RGS5: variants seen among roughly 807,000 people sequenced by gnomAD.
RGS5 encodes the protein regulator of G protein signaling 5, also known as regulator of G-protein signalling 5.
RGS5 carries 20 observed loss-of-function variants against 18.9 expected under a neutral mutation model. The observed-to-expected ratio is 1.06, with a 90% CI of 0.74 to 1.54. RGS5 has a LOEUF of 1.54. Ranked by LOEUF, RGS5 falls within the 40% of genes most tolerant of loss-of-function variation. RGS5 has a pLI of 0.00. For synonymous variants in RGS5, 57 were observed against 76.2 expected, an observed-to-expected ratio of 0.75 and a Z score of 1.31; for missense variants, 201 against 211.8, an observed-to-expected ratio of 0.95 and a Z score of 0.32.
chr1:163,155,627 C>G (rs895615592), intron 3 of RGS5, among the ~76,000 whole-genome samples: 1 of 152,130 alleles, frequency 6.6e-6, no homozygotes, highest in African/African-American at 2.4e-5. Context: ...TAGTTCCTAT[C>G]ACCCCTGCGG....
intron 2 of RGS5, among the ~76,000 whole-genome samples, chr1:163,226,147 C>G (rs1647326461): frequency 6.6e-6 from 1 of 150,500 alleles, no homozygotes; most frequent in South Asian, 2.1e-4. Flanking sequence ...CTCAAACTCC[C>G]AACCTCAGGT....
intron 1 of RGS5, among the ~76,000 whole-genome samples, chr1:163,199,326 T>A (rs1275891240): frequency 6.6e-6 from 1 of 152,272 alleles, no homozygotes; most frequent in East Asian, 1.9e-4. Flanking sequence ...AGCAATAGTC[T>A]TAAAAATCTA....
chr1:163,284,567 T>C (rs897650415), intron 2 of RGS5, among the ~76,000 whole-genome samples: 1 of 152,190 alleles, frequency 6.6e-6, no homozygotes, highest in Non-Finnish European at 1.5e-5. Context: ...TCAGACCCTT[T>C]ATGGACTGCT....
intron 2 of RGS5, among the ~76,000 whole-genome samples, chr1:163,296,040 G>T (rs1459016087): frequency 6.6e-6 from 1 of 152,146 alleles, no homozygotes; most frequent in Admixed American, 6.5e-5. Flanking sequence ...TTAGCCTTAT[G>T]ATGCTTTAAA....
At chr1:163,289,922 T>C (rs183590861) in intron 2 of RGS5, among the ~76,000 whole-genome samples, 11 of 152,180 alleles carry the variant, frequency 7.2e-5, no homozygotes, top group Admixed American at 3.9e-4. Flanking sequence ...AAAGCCTGCA[T>C]AGGTAAATGC....
chr1:163,314,842 T>C (rs1440657586), intron 1 of RGS5, among the ~76,000 whole-genome samples: 1 of 152,118 alleles, frequency 6.6e-6, no homozygotes, highest in Non-Finnish European at 1.5e-5. Context: ...AGCTAGAAGA[T>C]GCCATGTATG....
intron 1 of RGS5, among the ~76,000 whole-genome samples, chr1:163,184,488 G>A (rs1029891238): frequency 1.3e-4 from 20 of 151,762 alleles, no homozygotes; most frequent in Non-Finnish European, 2.1e-4. Context: ...CATAGACACA[G>A]AAATAAAAGG....
At chr1:163,218,798 T>C (rs1043327242), upstream of RGS5, among the ~76,000 whole-genome samples, 5 of 152,178 alleles carry the variant, frequency 3.3e-5, no homozygotes, top group African/African-American at 1.2e-4. Context: ...GACAAAGAGA[T>C]TGCCTCAGGA....
chr1:163,312,965 T>A lies in RGS5; in HGVS notation c.-377-6636A>T, dbSNP rs201784099. 1.4e-4 allele frequency among the ~76,000 whole-genome samples: 13 copies of A among 94,794 alleles called. No homozygotes were observed. The East Asian group carries it at 3.1e-3, about 22-fold the overall frequency. The allele number at this position is 94,794 out of a possible 152,430, so 62.2% of individuals were successfully genotyped here. A position where few individuals can be genotyped will look rare whatever the true frequency, so the allele number is the denominator to read the frequency against. ...AATCTTAGTTTAAACTTCTACTTTC[T>A]ACTTAGCTAATCACCTGCATGGTTT... On this transcript the variant is annotated intron_variant, in intron 1 of 5. Transcript: ENST00000618415.
intron 2 of RGS5, among the ~76,000 whole-genome samples, chr1:163,163,410 G>T (rs1368315629): frequency 6.6e-6 from 1 of 152,010 alleles, no homozygotes; most frequent in East Asian, 1.9e-4. Context: ...TGATGCCTCA[G>T]AAATTTATTT....
chr1:163,256,855 C>A (rs745336799), intron 2 of RGS5, among the ~76,000 whole-genome samples: 3 of 152,106 alleles, frequency 2.0e-5, no homozygotes, highest in Non-Finnish European at 4.4e-5. Flanking sequence ...AGAGCATAGT[C>A]ACAAAATCAC....
At chr1:163,220,294 G>GT (rs1434734638), upstream of RGS5, among the ~76,000 whole-genome samples, 2 of 148,794 alleles carry the variant, frequency 1.3e-5, no homozygotes, top group Non-Finnish European at 3.0e-5. Context: ...CTTTTTAAAT[G>GT]TTTTTTTCTG....
intron 2 of RGS5, among the ~76,000 whole-genome samples, chr1:163,244,299 T>C (rs893680505): frequency 1.3e-5 from 2 of 152,208 alleles, no homozygotes; most frequent in Admixed American, 1.3e-4. Flanking sequence ...CCAAGTTGCT[T>C]TCCCAGAAAT....
chr1:163,218,677 C>T (rs545806665), upstream of RGS5, among the ~76,000 whole-genome samples: 79 of 152,064 alleles, frequency 5.2e-4, no homozygotes, highest in African/African-American at 1.8e-3. Flanking sequence ...GCTTCACCTA[C>T]GTTCCCCAGG....
At chr1:163,316,446 T>C (rs1030541889) in intron 1 of RGS5, among the ~76,000 whole-genome samples, 4 of 152,234 alleles carry the variant, frequency 2.6e-5, no homozygotes, top group African/African-American at 7.2e-5. Flanking sequence ...TATAAGTGAA[T>C]TGAATGATGG....
At position 163,249,981 on chromosome 1, in the gene RGS5, C is replaced by T. The variant is rs916120903; in HGVS notation, c.-281+56252G>A. ...CTGCCCTAGCTCAGTACGTGGTATTCCTGTTGTTAGGTACATCACTGCCAC... is the reference window on the plus strand; with the variant it reads ...CTGCCCTAGCTCAGTACGTGGTATTTCTGTTGTTAGGTACATCACTGCCAC... On this transcript the variant is annotated intron_variant, in intron 2 of 5. Transcript: ENST00000618415. Among the ~76,000 whole-genome samples, 8 of 152,062 alleles carry T rather than the reference C, an allele frequency of 5.3e-5. No homozygotes were observed. In the East Asian group the frequency reaches 1.3e-3, roughly 26 times the overall value.
upstream of RGS5, among the ~76,000 whole-genome samples, chr1:163,221,740 C>T (rs927420106): frequency 6.6e-6 from 1 of 152,192 alleles, no homozygotes; most frequent in South Asian, 2.1e-4. Flanking sequence ...ATATCTAGAA[C>T]AGCAGCTGCA....
At chr1:163,235,628 C>T (rs1647603310) in intron 2 of RGS5, among the ~76,000 whole-genome samples, 2 of 152,310 alleles carry the variant, frequency 1.3e-5, no homozygotes, top group South Asian at 4.1e-4. Context: ...CCCTCTGGAA[C>T]ACCTTTTTTC....
intron 2 of RGS5, among the ~76,000 whole-genome samples, chr1:163,259,161 T>A (rs1451027082): frequency 6.6e-6 from 1 of 150,636 alleles, no homozygotes; most frequent in East Asian, 2.0e-4. Flanking sequence ...GTCTTAGTAT[T>A]TTTTTTTTAA....
Sources: gnomAD v4.1 joint callset for allele counts (sites outside exome capture counted in the v4.1 genomes callset) on GRCh38, gnomAD v4.1.1 for gene constraint, MANE v1.5 for transcripts, NCBI Gene and HGNC (gene_info 2026-07-23, HGNC 2026-07-21) for gene names.